The following CADM2 variants were observed in gnomAD, a reference collection of about 807,000 sequenced individuals.
CADM2 encodes the protein cell adhesion molecule 2, also known as immunoglobulin superfamily member 4D.
Under a neutral mutation model 49.8 loss-of-function variants are expected in CADM2, and 12 were observed. The ratio of observed to expected loss-of-function variants is 0.24; its 90% CI spans 0.15 to 0.39. The LOEUF is 0.39. Among genes scored for constraint, CADM2 ranks in the 10% least tolerant of loss-of-function variants. The pLI, the probability that CADM2 is intolerant of heterozygous loss-of-function variation, is 1.00. For synonymous variants in CADM2, 214 were observed against 175.4 expected, an observed-to-expected ratio of 1.22 and a Z score of -1.74; for missense variants, 378 against 492.3, an observed-to-expected ratio of 0.77 and a Z score of 2.20.
At chr3:85,264,266 C>A (rs1289391234) in intron 1 of CADM2, among the ~76,000 whole-genome samples, 1 of 152,126 alleles carries the variant, frequency 6.6e-6, no homozygotes, top group Non-Finnish European at 1.5e-5. Context: ...ACACCCAAAC[C>A]TATGCTCATC....
intron 1 of CADM2, among the ~76,000 whole-genome samples, chr3:85,389,571 G>C (rs562688367): frequency 6.6e-6 from 1 of 152,076 alleles, no homozygotes; most frequent in South Asian, 2.1e-4. Flanking sequence ...TCAAATTCAA[G>C]TCCCAATCTC....
chr3:85,020,170 T>G (rs2034433196), intron 1 of CADM2, among the ~76,000 whole-genome samples: 1 of 152,164 alleles, frequency 6.6e-6, no homozygotes, highest in African/African-American at 2.4e-5. Context: ...GAAATGGGAC[T>G]AAATTGAACA....
At chr3:85,018,321 C>G (rs1411531801) in intron 1 of CADM2, among the ~76,000 whole-genome samples, 2 of 152,128 alleles carry the variant, frequency 1.3e-5, no homozygotes, top group Non-Finnish European at 2.9e-5. Flanking sequence ...AATGATACTA[C>G]TTGCCTGTTA....
At chr3:85,113,548 C>A (rs1356134110) in intron 1 of CADM2, among the ~76,000 whole-genome samples, 1 of 151,890 alleles carries the variant, frequency 6.6e-6, no homozygotes, top group African/African-American at 2.4e-5. Context: ...AAACAAAAAT[C>A]AAAGGTAAAG....
intron 2 of CADM2, among the ~76,000 whole-genome samples, chr3:85,753,055 T>C (rs1040453426): frequency 2.0e-5 from 3 of 152,148 alleles, no homozygotes; most frequent in African/African-American, 7.2e-5. Flanking sequence ...GCAGATCTGC[T>C]TTCTATGATT....
intron 1 of CADM2, among the ~76,000 whole-genome samples, chr3:85,013,714 C>A (rs539493668): frequency 1.3e-5 from 2 of 150,180 alleles, no homozygotes; most frequent in Admixed American, 6.7e-5. Flanking sequence ...ATATATTAGT[C>A]CCTCCTTGTC....
At chr3:85,940,622 C>T (rs538325805) in intron 7 of CADM2, among the ~76,000 whole-genome samples, 19 of 152,004 alleles carry the variant, frequency 1.2e-4, no homozygotes, top group South Asian at 2.1e-4. Context: ...GAATATTTAC[C>T]GCTCTCCTGC....
intron 8 of CADM2, among the ~76,000 whole-genome samples, chr3:86,064,953 C>CT (rs1739138424): frequency 6.6e-6 from 1 of 152,174 alleles, no homozygotes; most frequent in South Asian, 2.1e-4. Flanking sequence ...TCAACCCCTG[C>CT]TTTCCCGCCA....
chr3:85,021,824 A>G (rs1235850585), intron 1 of CADM2, among the ~76,000 whole-genome samples: 4 of 152,152 alleles, frequency 2.6e-5, no homozygotes, highest in Non-Finnish European at 5.9e-5. Context: ...CTAGAGGAAA[A>G]CATTGTTATC....
chr3:85,579,529 T>G (rs1259544270), intron 1 of CADM2, among the ~76,000 whole-genome samples: 1 of 152,188 alleles, frequency 6.6e-6, no homozygotes, highest in African/African-American at 2.4e-5. Flanking sequence ...TCCCCATTGC[T>G]TAATGATAGA....
chr3:85,273,494 T>C (rs143531059), intron 1 of CADM2, among the ~76,000 whole-genome samples: 255 of 151,432 alleles, frequency 1.7e-3, no homozygotes, highest in African/African-American at 5.7e-3. Flanking sequence ...TGACAAGTAG[T>C]CAGATTCTGG....
intron 1 of CADM2, among the ~76,000 whole-genome samples, chr3:85,539,239 A>C (rs2107020031): frequency 8.5e-6 from 1 of 117,682 alleles, no homozygotes; most frequent in South Asian, 2.6e-4. Flanking sequence ...GCTGTAATAG[A>C]TCAGTGTGAA....
intron 2 of CADM2, among the ~76,000 whole-genome samples, chr3:85,791,833 C>G (rs967303592): frequency 6.6e-5 from 10 of 152,218 alleles, no homozygotes; most frequent in Admixed American, 3.3e-4. Context: ...ACGCCATTCT[C>G]CTGCCTCAGC....
intron 8 of CADM2, among the ~76,000 whole-genome samples, chr3:86,019,656 T>C (rs573883385): frequency 1.3e-5 from 2 of 152,096 alleles, no homozygotes; most frequent in African/African-American, 4.8e-5. Flanking sequence ...AATGGGAGTT[T>C]ACTCATGATT....
chr3:84,959,005 CGCCGCT>C lies in CADM2; in HGVS notation c.-591_-586del. 1 of 201,384 alleles carries C rather than the reference CGCCGCT, an allele frequency of 5.0e-6. No homozygotes were observed. The highest frequency in any genetic ancestry group is 9.9e-6 in the Non-Finnish European group (1 of 101,134). The allele number at this position is 201,384 out of a possible 1,614,324, so 12.5% of individuals were successfully genotyped here. The stretch of plus-strand genomic sequence containing the variant: ...TGGTGCTTCGTAGAGCTGCCGCCGT[CGCCGCT>C]GCCGCTGCCGCCACAGCCGCCGCTG... On this transcript the variant is annotated 5_prime_UTR_variant, in exon 1 of 10. Coordinates refer to ENST00000383699, the MANE Select transcript of CADM2 (RefSeq NM_001167675.2).
intron 1 of CADM2, among the ~76,000 whole-genome samples, chr3:85,267,161 A>G (rs2043139584): frequency 6.6e-6 from 1 of 151,842 alleles, no homozygotes; most frequent in Non-Finnish European, 1.5e-5. Flanking sequence ...GCAAAAACTC[A>G]TTTCTCTACA....
In CADM2 at chr3:85,398,373, T is replaced by C. The variant is rs1466603089; in HGVS notation, c.62-328149T>C. Among the ~76,000 whole-genome samples, 3 of 152,202 alleles carry C rather than the reference T, an allele frequency of 2.0e-5. No individual in the cohort carries two copies. In the East Asian group the frequency reaches 5.8e-4, roughly 29 times the overall value. On this transcript the variant is annotated intron_variant, in intron 1 of 9. Transcript: ENST00000383699. Reference sequence around the variant, plus strand: ...TGGCTGCATAGTTTTCCATGGTGTATATGTGTCACATTTTCTTAATCCAGT... The same window carrying C: ...TGGCTGCATAGTTTTCCATGGTGTACATGTGTCACATTTTCTTAATCCAGT...
rs555874228 is a variant in CADM2 at position 85,693,135 on chromosome 3, G to A, written c.62-33387G>A. On this transcript the variant is annotated intron_variant, in intron 1 of 9. Transcript: ENST00000383699. ...GTGGTGGCATGCACCTGTAGTCCCA[G>A]CTACTCAGGAGGCTGAGGCAGGAGA... 5.6e-4 allele frequency among the ~76,000 whole-genome samples: 85 copies of A among 152,104 alleles called. 1 individual carries two copies. Among genetic ancestry groups the A allele is most frequent in the African/African-American group, 2.0e-3 (83 of 41,492 alleles).
chr3:85,521,725 T>C (rs1328910281), intron 1 of CADM2, among the ~76,000 whole-genome samples: 2 of 152,194 alleles, frequency 1.3e-5, no homozygotes, highest in East Asian at 3.8e-4. Flanking sequence ...CGTGAGTTTA[T>C]TGAATTCGTT....
Sources: allele counts gnomAD v4.1 joint callset (sites outside exome capture counted in the v4.1 genomes callset), GRCh38; gene constraint gnomAD v4.1.1; transcripts MANE v1.5; gene names NCBI Gene and HGNC (gene_info 2026-07-23, HGNC 2026-07-21).